The following RAB3C variants were observed in gnomAD, a reference collection of about 807,000 sequenced individuals.
RAB3C encodes the protein ras-related protein Rab-3C.
RAB3C carries 17 observed loss-of-function variants against 26.4 expected under a neutral mutation model. The observed-to-expected ratio is 0.64, with a 90% CI of 0.44 to 0.97. RAB3C has a LOEUF of 0.97. Among genes scored for constraint, RAB3C ranks in the 50% least tolerant of loss-of-function variants. RAB3C has a pLI of 0.00. For synonymous variants in RAB3C, 91 were observed against 95.9 expected, an observed-to-expected ratio of 0.95 and a Z score of 0.30; for missense variants, 242 against 281.9, an observed-to-expected ratio of 0.86 and a Z score of 1.01.
At chr5:58,810,944 A>C (rs1437900260) in intron 3 of RAB3C, among the ~76,000 whole-genome samples, 1 of 152,180 alleles carries the variant, frequency 6.6e-6, no homozygotes, top group Non-Finnish European at 1.5e-5. Context: ...TGCTCCCACC[A>C]AAACGGCACA....
chr5:58,796,172 T>A (rs1322711003), intron 3 of RAB3C, among the ~76,000 whole-genome samples: 1 of 152,220 alleles, frequency 6.6e-6, no homozygotes, highest in Non-Finnish European at 1.5e-5. Flanking sequence ...GTGTTAGATT[T>A]TATGGTGTTT....
At chr5:58,765,829 G>C (rs1741889039) in intron 3 of RAB3C, among the ~76,000 whole-genome samples, 1 of 152,112 alleles carries the variant, frequency 6.6e-6, no homozygotes, top group Admixed American at 6.5e-5. Context: ...AGAGTTACAG[G>C]AGGGGCCTGG....
intron 3 of RAB3C, among the ~76,000 whole-genome samples, chr5:58,761,059 T>TCACACACACACACACACA (rs777146349): frequency 5.8e-5 from 4 of 68,660 alleles, no homozygotes; most frequent in African/African-American, 1.9e-4. Flanking sequence ...CCTCTCTCTC[T>TCACACACACACACACACA]CTCTCACACA....
intron 2 of RAB3C, among the ~76,000 whole-genome samples, chr5:58,719,990 A>G (rs955224269): frequency 1.3e-5 from 2 of 151,952 alleles, no homozygotes; most frequent in Non-Finnish European, 1.5e-5. Flanking sequence ...CTTTTTCTAA[A>G]TAAAGTCACC....
intron 2 of RAB3C, among the ~76,000 whole-genome samples, chr5:58,680,191 A>G (rs1054082110): frequency 2.6e-5 from 4 of 152,194 alleles, no homozygotes; most frequent in Non-Finnish European, 5.9e-5. Flanking sequence ...AAAAAATGAG[A>G]TAACCCATAA....
intron 1 of RAB3C, among the ~76,000 whole-genome samples, chr5:58,583,705 C>T (rs1359268368): frequency 6.6e-6 from 1 of 152,124 alleles, no homozygotes; most frequent in East Asian, 1.9e-4. Context: ...ATGTTAGGCT[C>T]CTCAAAGTCC....
chr5:58,626,667 A>G (rs890291530), intron 2 of RAB3C, among the ~76,000 whole-genome samples: 8 of 152,202 alleles, frequency 5.3e-5, no homozygotes, highest in African/African-American at 1.9e-4. Flanking sequence ...GTCTTATCGT[A>G]AAGATGAAAT....
intron 2 of RAB3C, among the ~76,000 whole-genome samples, chr5:58,643,084 ATG>A (rs1249489883): frequency 2.0e-5 from 3 of 152,196 alleles, no homozygotes; most frequent in Admixed American, 6.5e-5. Context: ...AAAAAGGAAA[ATG>A]TGATACATTT....
At chr5:58,721,247 T>TTA (rs1740751237) in intron 2 of RAB3C, among the ~76,000 whole-genome samples, 2 of 118,672 alleles carry the variant, frequency 1.7e-5, no homozygotes, top group African/African-American at 4.5e-5. Flanking sequence ...AATTTTTTTT[T>TTA]CAAAAAAAAA....
chr5:58,605,452 A>G (rs1442208277), intron 1 of RAB3C, among the ~76,000 whole-genome samples: 2 of 152,172 alleles, frequency 1.3e-5, no homozygotes, highest in African/African-American at 4.8e-5. Flanking sequence ...AGCTGAACAA[A>G]CTAAAAATCA....
chr5:58,826,835 C>T (rs1743492475), intron 4 of RAB3C, among the ~76,000 whole-genome samples: 1 of 152,176 alleles, frequency 6.6e-6, no homozygotes, highest in Non-Finnish European at 1.5e-5. Context: ...TGTTGTGCAA[C>T]ATGAGTCAGA....
At chr5:58,675,320 A>G (rs535603245) in intron 2 of RAB3C, among the ~76,000 whole-genome samples, 197 of 151,726 alleles carry the variant, frequency 1.3e-3, no homozygotes, top group Middle Eastern at 6.8e-3. Context: ...AATTTTCTTC[A>G]CCTCTATCAA....
intron 3 of RAB3C, among the ~76,000 whole-genome samples, chr5:58,751,288 T>A (rs1741518466): frequency 6.6e-6 from 1 of 152,182 alleles, no homozygotes; most frequent in Admixed American, 6.5e-5. Flanking sequence ...AATTGAGAAG[T>A]ATTGTTTTTG....
intron 2 of RAB3C, among the ~76,000 whole-genome samples, chr5:58,630,339 G>A (rs1477850604): frequency 6.6e-6 from 1 of 152,084 alleles, no homozygotes; most frequent in Admixed American, 6.6e-5. Flanking sequence ...AACTATTGAG[G>A]TCATCAATGA....
At chr5:58,826,999 C>T (rs1411302259) in intron 4 of RAB3C, among the ~76,000 whole-genome samples, 1 of 152,176 alleles carries the variant, frequency 6.6e-6, no homozygotes, top group African/African-American at 2.4e-5. Context: ...AACCCTTCCA[C>T]CAAATATTCT....
At position 58,663,234 on chromosome 5, in the gene RAB3C, T is replaced by C. The variant is rs1046556314; in HGVS notation, c.252+45364T>C. ...AAGCATGGTTTAGAGAATTAAAATA[T>C]TCAAATGATTGCTTTAATTTTTGCT... On this transcript the variant is annotated intron_variant, in intron 2 of 4. Coordinates refer to ENST00000282878, the MANE Select transcript of RAB3C (RefSeq NM_138453.4). 1.3e-5 allele frequency among the ~76,000 whole-genome samples: 2 copies of C among 150,138 alleles called. 1 individual carries two copies. The highest frequency in any genetic ancestry group is 5.1e-5 in the African/African-American group (2 of 39,486).
intron 3 of RAB3C, among the ~76,000 whole-genome samples, chr5:58,744,713 T>TGAA (rs1183311743): frequency 6.6e-6 from 1 of 152,198 alleles, no homozygotes; most frequent in Non-Finnish European, 1.5e-5. Flanking sequence ...AACATGGATA[T>TGAA]GAAGTCCACA....
At chr5:58,643,779 C>T (rs905777906) in intron 2 of RAB3C, among the ~76,000 whole-genome samples, 1 of 152,184 alleles carries the variant, frequency 6.6e-6, no homozygotes, top group African/African-American at 2.4e-5. Flanking sequence ...TGATTTTCAT[C>T]TATATCAAGG....
In RAB3C at chr5:58,649,420, C is replaced by G. The variant is rs1747596226; in HGVS notation, c.252+31550C>G. On this transcript the variant is annotated intron_variant, in intron 2 of 4. Coordinates refer to ENST00000282878, the MANE Select transcript of RAB3C (RefSeq NM_138453.4). ...GTCACTGACCTCTAATTTCAGATCTCTTCCTTTGGACCTGATGATTGGTAC... is the reference window on the plus strand; with the variant it reads ...GTCACTGACCTCTAATTTCAGATCTGTTCCTTTGGACCTGATGATTGGTAC... 3.3e-5 allele frequency among the ~76,000 whole-genome samples: 5 copies of G among 152,128 alleles called. No homozygotes were observed. The South Asian group carries it at 1.0e-3, about 32-fold the overall frequency.
Sources: gnomAD v4.1 joint callset for allele counts (sites outside exome capture counted in the v4.1 genomes callset) on GRCh38, gnomAD v4.1.1 for gene constraint, MANE v1.5 for transcripts, NCBI Gene and HGNC (gene_info 2026-07-23, HGNC 2026-07-21) for gene names.